Variants in SLC12A7 observed in about 807,000 individuals in gnomAD.
SLC12A7 encodes the protein K-Cl cotransporter 4.
In SLC12A7, 100 loss-of-function variants were observed where a neutral mutation model predicts 120.6. The observed-to-expected ratio is 0.83, with a 90% confidence interval of 0.71 to 0.98. The LOEUF (loss-of-function observed/expected upper bound fraction) is 0.98, where lower values mean the gene tolerates loss of function less well. SLC12A7 is among the 50% of genes least tolerant of loss of function. The pLI, the probability that SLC12A7 is intolerant of heterozygous loss-of-function variation, is 0.00. For synonymous variants in SLC12A7, 760 were observed against 678.0 expected, an observed-to-expected ratio of 1.12 and a Z score of -1.88; for missense variants, 1,373 against 1,548.1, an observed-to-expected ratio of 0.89 and a Z score of 1.90.
intron 1 of SLC12A7, among the ~76,000 whole-genome samples, chr5:1,097,174 T>A (rs1292277580): frequency 1.3e-5 from 2 of 152,218 alleles, no homozygotes; most frequent in Non-Finnish European, 2.9e-5. Flanking sequence ...CATGTAACTA[T>A]GTCTGCGTTC....
At chr5:1,104,608 C>T (rs1052429261) in intron 1 of SLC12A7, among the ~76,000 whole-genome samples, 7 of 152,218 alleles carry the variant, frequency 4.6e-5, no homozygotes, top group Non-Finnish European at 7.3e-5. Context: ...GGGGTCAACA[C>T]AGGCCTGGGC....
chr5:1,097,599 C>T (rs916451733), intron 1 of SLC12A7, among the ~76,000 whole-genome samples: 3 of 152,196 alleles, frequency 2.0e-5, no homozygotes, highest in Admixed American at 6.5e-5. Flanking sequence ...CAAAGCCCTG[C>T]GTGTGGGGCC....
At chr5:1,079,823 G>C (rs891247092) in intron 9 of SLC12A7, among the ~76,000 whole-genome samples, 1 of 152,114 alleles carries the variant, frequency 6.6e-6, no homozygotes, top group Admixed American at 6.5e-5. Flanking sequence ...GCCCAGAGAC[G>C]GTGCTGAGCA....
At chr5:1,089,858 G>A (rs931655730) in intron 3 of SLC12A7, among the ~76,000 whole-genome samples, 1 of 151,756 alleles carries the variant, frequency 6.6e-6, no homozygotes, top group African/African-American at 2.4e-5. Flanking sequence ...ACTCGGGACG[G>A]GCCAGGCTGG....
chr5:1,057,647 G>A lies in SLC12A7; in HGVS notation c.2850C>T (p.Ala950=), dbSNP rs777153775. ...QLSKNEQERE[A]QLIHDRNTAS... ...CGGTGTTCCTGTCGTGGATCAGCTG[G>A]GCCTGGCGGGCCCGGGACTTGGTGA... is the stretch of plus-strand genomic sequence containing the variant. The change falls in exon 22 of 24, where the codon GCC becomes GCT. Residue 950 remains alanine, a splice_region_variant and synonymous_variant. Coordinates refer to ENST00000264930, the MANE Select transcript of SLC12A7 (RefSeq NM_006598.3). 4 of 1,595,454 alleles carry A rather than the reference G, an allele frequency of 2.5e-6. No individual in the cohort carries two copies. In the African/African-American group the frequency reaches 5.4e-5, roughly 21 times the overall value.
At chr5:1,078,031 C>G (rs889258469) in intron 11 of SLC12A7, 24 bp from the exon 12 acceptor site, 1 of 1,538,492 alleles carries the variant, frequency 6.5e-7, no homozygotes, top group Non-Finnish European at 8.8e-7. Flanking sequence ...GGCAGGCGGG[C>G]GGGCGGCTTT....
At chr5:1,110,577 G>A (rs886528542) in intron 1 of SLC12A7, among the ~76,000 whole-genome samples, 1 of 152,262 alleles carries the variant, frequency 6.6e-6, no homozygotes, top group African/African-American at 2.4e-5. Context: ...CAGACAAGAA[G>A]AGGCTCCTTC....
rs12332611 is a variant in SLC12A7, at chr5:1,050,519, C to T, written c.*1841G>A. The T allele has an allele frequency of 0.014, 3,500 of 248,204 alleles. 132 individuals carry two copies. The highest frequency in any genetic ancestry group is 0.069 in the African/African-American group (3,134 of 45,126). 15.4% of individuals were successfully genotyped at this position (248,204 alleles called of 1,614,324 possible). On this transcript the variant is annotated 3_prime_UTR_variant, in exon 24 of 24. Transcript: ENST00000264930. ...CAACACAAAGGATGCCTGGTGCTTG[C>T]GTGCAGAGGCTGCAGCCCAGGGCGG...
chr5:1,073,934 G>A (rs1014787639), intron 16 of SLC12A7, 133 bp from the exon 17 acceptor site: 2 of 825,080 alleles, frequency 2.4e-6, no homozygotes, highest in Non-Finnish European at 3.3e-6. Context: ...GCGGGACAGG[G>A]GACAAAAGGG....
In SLC12A7 at chr5:1,053,367, G is replaced by T. The variant is rs769390588; in HGVS notation, c.3142C>A (p.Arg1048=). 1.2e-6 allele frequency: 2 copies of T among 1,613,950 alleles called. No homozygotes were observed. Among genetic ancestry groups the T allele is most frequent in the Admixed American group, 3.3e-5 (2 of 60,004 alleles). ...AGGATACAGTTCTCGTCTCCCTGCC[G>T]GTTTTTGGGAGGACCTGGCATGTTG... ...LLNMPGPPKN[R]QGDENYMEFL... The change falls in exon 23 of 24, where the codon CGG becomes AGG. Residue 1048 remains arginine (R), a synonymous_variant. Coordinates refer to ENST00000264930, the MANE Select transcript of SLC12A7 (RefSeq NM_006598.3).
the SLC12A7 span, among the ~76,000 whole-genome samples, chr5:1,134,241 G>A: frequency 1.3e-5 from 2 of 152,118 alleles, no homozygotes; most frequent in African/African-American, 4.8e-5. Flanking sequence ...AGGCCAAGGT[G>A]GGCGGATCAC....
At chr5:1,082,949 C>T (rs199619061) in intron 8 of SLC12A7, among the ~76,000 whole-genome samples, 17 of 123,128 alleles carry the variant, frequency 1.4e-4, no homozygotes, top group East Asian at 2.5e-4. Context: ...CTTCCCGTCT[C>T]GGGTTCTGGA....
intron 1 of SLC12A7, among the ~76,000 whole-genome samples, chr5:1,099,639 C>A (rs1384292259): frequency 1.3e-5 from 2 of 152,228 alleles, no homozygotes; most frequent in Non-Finnish European, 2.9e-5. Context: ...CTTATCTCCA[C>A]ATTTAAGGGC....
chr5:1,073,470 C>T (rs1007917131), intron 17 of SLC12A7, among the ~76,000 whole-genome samples, 163 bp downstream of exon 17: 1 of 152,204 alleles, frequency 6.6e-6, no homozygotes, highest in East Asian at 1.9e-4. Flanking sequence ...TGCTCCCAGG[C>T]CTTAGCGCGC....
chr5:1,155,051 G>A, the SLC12A7 span, among the ~76,000 whole-genome samples: 4 of 152,262 alleles, frequency 2.6e-5, no homozygotes, highest in Admixed American at 6.5e-5. Context: ...CACTGGAAGC[G>A]GGCTTGGCTC....
intron 1 of SLC12A7, among the ~76,000 whole-genome samples, chr5:1,095,047 A>AGGCGGGGGCGGTAGGC (rs1740979384): frequency 1.4e-5 from 1 of 70,908 alleles, no homozygotes; most frequent in Non-Finnish European, 3.3e-5. Context: ...GGCCGGTAGG[A>AGGCGGGGGCGGTAGGC]GGCGGGGCCG....
rs1554016498 is a variant in SLC12A7 at position 1,078,009 on chromosome 5, T to TGCAGGCAGGCGG, written c.1455-14_1455-3dup. 1 of 1,557,448 alleles carries TGCAGGCAGGCGG rather than the reference T, an allele frequency of 6.4e-7. No homozygotes were observed. The highest frequency in any genetic ancestry group is 8.7e-7 in the Non-Finnish European group (1 of 1,152,626). On this transcript the variant is annotated splice_region_variant and splice_polypyrimidine_tract_variant and intron_variant, in intron 11 of 23. Transcript: ENST00000264930. ...TTCCCCTGCAGGGCCTCCCCGAACC[T>TGCAGGCAGGCGG]GCAGGCAGGCGGGCAGGCGGGCGGG...
At chr5:1,064,317 G>A in intron 18 of SLC12A7, 65 bp from the exon 19 acceptor site, 3 of 1,544,322 alleles carry the variant, frequency 1.9e-6, no homozygotes, top group Middle Eastern at 2.2e-4. Context: ...CCTCCCCGGG[G>A]ACTCACAGCC....
At chr5:1,054,381 A>G (rs1231743629) in intron 22 of SLC12A7, among the ~76,000 whole-genome samples, 2 of 152,108 alleles carry the variant, frequency 1.3e-5, no homozygotes, top group Non-Finnish European at 2.9e-5. Context: ...CTGCAGAATC[A>G]TGCTGTGAGG....
Sources: allele counts gnomAD v4.1 joint callset (sites outside exome capture counted in the v4.1 genomes callset), GRCh38; gene constraint gnomAD v4.1.1; transcripts MANE v1.5; gene names NCBI Gene and HGNC (gene_info 2026-07-23, HGNC 2026-07-21).